Variants in PTPRA observed in about 807,000 individuals in gnomAD.
PTPRA encodes receptor-type tyrosine-protein phosphatase alpha.
A neutral mutation model predicts 104.8 loss-of-function variants in PTPRA; 25 were observed. That is an observed-to-expected ratio of 0.24 (90% CI 0.17 to 0.33). The LOEUF is 0.33. Among genes scored for constraint, PTPRA ranks in the 10% least tolerant of loss-of-function variants. PTPRA has a pLI of 1.00. For missense variants in PTPRA, 765 were observed against 1,015.3 expected (o/e 0.75, Z 3.35); for synonymous variants, 323 against 368.9 (o/e 0.88, Z 1.43).
At chr20:2,986,203 T>C (rs2062902656) in intron 6 of PTPRA, among the ~76,000 whole-genome samples, 1 of 152,208 alleles carries the variant, frequency 6.6e-6, no homozygotes, top group Non-Finnish European at 1.5e-5. Flanking sequence ...CATTGTGCCC[T>C]ACTTGTCTCC....
intron 20 of PTPRA, among the ~76,000 whole-genome samples, chr20:3,032,145 G>A (rs543787007): frequency 6.6e-6 from 1 of 152,226 alleles, no homozygotes. Context: ...CAAGAACACT[G>A]TCATCCTCCC....
chr20:3,015,263 G>A (rs1000561572), intron 11 of PTPRA, among the ~76,000 whole-genome samples: 8 of 151,922 alleles, frequency 5.3e-5, no homozygotes, highest in Non-Finnish European at 1.0e-4. Flanking sequence ...GTCTAATCTG[G>A]GAGTCAGTAT....
In PTPRA at chr20:2,941,167, A is replaced by G. The variant is rs539457278; in HGVS notation, c.-49-6815A>G. On this transcript the variant is annotated intron_variant, in intron 2 of 23. Coordinates refer to ENST00000399903, the MANE Select transcript of PTPRA (RefSeq NM_001385305.1). ...TGCCTCGGCCTCCCTAGTAGCTGGGATTACAGGTGCCTGCAATCACGCCAG... is the reference window on the plus strand; with the variant it reads ...TGCCTCGGCCTCCCTAGTAGCTGGGGTTACAGGTGCCTGCAATCACGCCAG... Among the ~76,000 whole-genome samples the G allele has an allele frequency of 1.3e-3, 204 of 152,094 alleles. 1 individual carries two copies. Among genetic ancestry groups the G allele is most frequent in the African/African-American group, 4.6e-3 (192 of 41,494 alleles).
chr20:2,964,304 G>C lies in PTPRA; in HGVS notation c.27G>C (p.Leu9=). The C allele has an allele frequency of 6.2e-7, 1 of 1,610,472 alleles. No individual in the cohort carries two copies. Among genetic ancestry groups the C allele is most frequent in the South Asian group, 1.1e-5 (1 of 90,144 alleles). The part of the protein sequence containing the change: MDSWFILV[L]LGSGLICVSA... The stretch of plus-strand genomic sequence containing the variant: ...TGGATTCCTGGTTCATTCTTGTTCT[G>C]CTCGGCAGTGGTCTGATATGTGTCA... The change falls in exon 4 of 24, where the codon CTG becomes CTC. Residue 9 remains leucine, a synonymous_variant. Coordinates refer to ENST00000399903, the MANE Select transcript of PTPRA (RefSeq NM_001385305.1).
chr20:2,884,590 A>C (rs1209390495), intron 1 of PTPRA, among the ~76,000 whole-genome samples: 1 of 152,162 alleles, frequency 6.6e-6, no homozygotes, highest in Non-Finnish European at 1.5e-5. Context: ...ATGTCTGTTC[A>C]GATACTTGGC....
At chr20:2,992,348 C>A (rs2063212126) in intron 9 of PTPRA, among the ~76,000 whole-genome samples, 2 of 152,104 alleles carry the variant, frequency 1.3e-5, no homozygotes, top group Non-Finnish European at 2.9e-5. Context: ...GAAACCCCGT[C>A]TCTACTAAAA....
At chr20:2,924,481 G>A (rs2060221698) in intron 2 of PTPRA, among the ~76,000 whole-genome samples, 1 of 152,106 alleles carries the variant, frequency 6.6e-6, no homozygotes, top group African/African-American at 2.4e-5. Context: ...CAAACTACCA[G>A]TAGACATGAC....
intron 5 of PTPRA, 117 bp from the exon 6 acceptor site, chr20:2,975,098 G>A (rs1568677723): frequency 3.5e-6 from 3 of 868,238 alleles, no homozygotes; most frequent in African/African-American, 3.4e-5. Flanking sequence ...GTTGTTGGAG[G>A]ATGCCTCATG....
Position 2,997,741 on chromosome 20 carries a change from A to G in PTPRA, c.739-7315A>G, listed in dbSNP as rs145119760. Among the ~76,000 whole-genome samples the G allele has an allele frequency of 4.8e-3, 729 of 152,350 alleles. 21 individuals are homozygous for G. Among genetic ancestry groups the G allele is most frequent in the Admixed American group, 0.044 (679 of 15,286 alleles). On this transcript the variant is annotated intron_variant, in intron 9 of 23. Transcript: ENST00000399903. ...GAATCATTGAATTTATTCAAAAGAA[A>G]TACTTTGAAAAACCACTCAGAAGCC...
chr20:3,037,303 A>G lies in PTPRA; in HGVS notation c.2334+14A>G, dbSNP rs746137007. 2.5e-6 allele frequency: 4 copies of G among 1,613,106 alleles called. No homozygotes were observed. The highest frequency in any genetic ancestry group is 2.2e-5 in the East Asian group (1 of 44,878). On this transcript the variant is annotated intron_variant, in intron 23 of 23. Coordinates refer to ENST00000399903, the MANE Select transcript of PTPRA (RefSeq NM_001385305.1). This position sits in a 1 kb window ranked among gnomAD's most constrained non-coding sequence, Gnocchi z 4.3. ...GTCCAGACACTGGTATGCTGCCCAC[A>G]TATTTGTCCCTGCCACCACACCACC...
Position 3,022,996 on chromosome 20 carries a change from A to G in PTPRA, c.1464+172A>G, listed in dbSNP as rs2064954631. Among the ~76,000 whole-genome samples, 2 of 152,184 alleles carry G rather than the reference A, an allele frequency of 1.3e-5. No homozygotes were observed. Among genetic ancestry groups the G allele is most frequent in the Non-Finnish European group, 2.9e-5 (2 of 68,046 alleles). On this transcript the variant is annotated intron_variant, in intron 16 of 23. Transcript: ENST00000399903. The surrounding 1 kb of genome is among the most constrained non-coding windows in gnomAD (Gnocchi z 4.6). Reference sequence around the variant, plus strand: ...ACCGTGTCTATGTAGAAAAAGGAAGACACGAGAAACTCCATTTTGTTCTGT... The same window carrying G: ...ACCGTGTCTATGTAGAAAAAGGAAGGCACGAGAAACTCCATTTTGTTCTGT...
upstream of PTPRA, chr20:2,873,408 A>G (rs6051455): frequency 3.4e-4 from 51 of 152,050 alleles, 1 homozygote; most frequent in African/African-American, 8.4e-4. This position sits in a 1 kb window ranked among gnomAD's most constrained non-coding sequence, Gnocchi z 4.4. Flanking sequence ...CGGGCCGGAG[A>G]CGCCCGTTCG....
chr20:2,963,769 G>A (rs962369998), intron 3 of PTPRA, among the ~76,000 whole-genome samples: 1 of 152,034 alleles, frequency 6.6e-6, no homozygotes, highest in African/African-American at 2.4e-5. Context: ...CTAGGTGTGG[G>A]AGCTCACACC....
Position 3,037,024 on chromosome 20 carries a change from C to A in PTPRA, c.2199-130C>A. 1.5e-6 allele frequency: 2 copies of A among 1,301,938 alleles called. No homozygotes were observed. The highest frequency in any genetic ancestry group is 2.1e-6 in the Non-Finnish European group (2 of 937,652). 80.6% of individuals were successfully genotyped at this position (1,301,938 alleles called of 1,614,324 possible). ...CCTCCCGACCCAGAACCCCTCCAGGCTGGTGGGTCCACAGGGCAAAGGCGA... is the reference window on the plus strand; with the variant it reads ...CCTCCCGACCCAGAACCCCTCCAGGATGGTGGGTCCACAGGGCAAAGGCGA... On this transcript the variant is annotated intron_variant, in intron 22 of 23. Transcript: ENST00000399903. The surrounding 1 kb of genome is among the most constrained non-coding windows in gnomAD (Gnocchi z 4.3).
chr20:3,021,160 A>G (rs577873148), intron 13 of PTPRA, 149 bp from the exon 14 acceptor site: 1 of 1,066,650 alleles, frequency 9.4e-7, no homozygotes, highest in Non-Finnish European at 1.3e-6. Context: ...TTGAATAAGT[A>G]AGTGTGCAAC....
intron 9 of PTPRA, 104 bp downstream of exon 9, chr20:2,988,578 G>T (rs752396754): frequency 3.5e-6 from 5 of 1,448,484 alleles, no homozygotes; most frequent in Non-Finnish European, 4.6e-6. Flanking sequence ...GGCTTTTAAT[G>T]TTTAAGAGGT....
At chr20:2,996,490 T>C (rs2063399188) in intron 9 of PTPRA, among the ~76,000 whole-genome samples, 1 of 152,214 alleles carries the variant, frequency 6.6e-6, no homozygotes, top group Non-Finnish European at 1.5e-5. Context: ...TTAGAAGATT[T>C]AGATGCCAGA....
rs758308074 is a variant in PTPRA at position 2,965,220 on chromosome 20, GTTTGTTCT to G, written c.415+23_415+30del. ...TCCTTCAGGTACTAGAGATGATTCT[GTTTGTTCT>G]TTTGCTCTTTGAGTTTAGTCTTCCT... On this transcript the variant is annotated intron_variant, in intron 5 of 23. Transcript: ENST00000399903. 1 of 1,563,868 alleles carries G rather than the reference GTTTGTTCT, an allele frequency of 6.4e-7. No homozygotes were observed. Among genetic ancestry groups the G allele is most frequent in the South Asian group, 1.2e-5 (1 of 86,956 alleles).
At chr20:2,882,136 G>T (rs913493007) in intron 1 of PTPRA, among the ~76,000 whole-genome samples, 1 of 152,202 alleles carries the variant, frequency 6.6e-6, no homozygotes, top group Non-Finnish European at 1.5e-5. Flanking sequence ...TCAAAATACT[G>T]TTGGAAGATG....
Sources: gnomAD v4.1 joint callset for allele counts (sites outside exome capture counted in the v4.1 genomes callset) on GRCh38, gnomAD v4.1.1 for gene constraint, Gnocchi (gnomAD v3.1) non-coding constraint, MANE v1.5 for transcripts, NCBI Gene and HGNC (gene_info 2026-07-23, HGNC 2026-07-21) for gene names.